ARID1B: variants seen among roughly 807,000 people sequenced by gnomAD.
The protein encoded by ARID1B is AT-rich interaction domain 1B, also known as AT-rich interactive domain-containing protein 1B.
In ARID1B, 30 loss-of-function variants were observed where a neutral mutation model predicts 212.3. That is an observed-to-expected ratio of 0.14 (90% CI 0.11 to 0.19). The LOEUF (loss-of-function observed/expected upper bound fraction) is 0.19. Ranked by LOEUF, ARID1B falls within the 10% of genes least tolerant of loss-of-function variation. ARID1B has a pLI of 1.00. For synonymous variants in ARID1B, 1,402 were observed against 1,301.7 expected (o/e 1.08, Z -1.66); for missense variants, 2,891 against 3,204.0 (o/e 0.90, Z 2.36).
chr6:157,038,821 A>G (rs746222165), intron 4 of ARID1B, among the ~76,000 whole-genome samples: 3 of 152,170 alleles, frequency 2.0e-5, no homozygotes, highest in Non-Finnish European at 4.4e-5. Flanking sequence ...AGATTAGTGT[A>G]GCCAGCAGCT....
chr6:156,893,085 C>A (rs1788089306), intron 2 of ARID1B, among the ~76,000 whole-genome samples: 1 of 121,328 alleles, frequency 8.2e-6, no homozygotes, highest in Non-Finnish European at 1.6e-5. Flanking sequence ...CCCTGTCACC[C>A]AGGCTGGAGT....
At chr6:156,908,854 T>C (rs1789622614) in intron 3 of ARID1B, among the ~76,000 whole-genome samples, 1 of 152,154 alleles carries the variant, frequency 6.6e-6, no homozygotes, top group African/African-American at 2.4e-5. Context: ...GTACCAGTTA[T>C]CTTGAACAAT....
intron 4 of ARID1B, among the ~76,000 whole-genome samples, chr6:156,972,183 C>G (rs1178238827): frequency 1.3e-5 from 2 of 152,294 alleles, no homozygotes; most frequent in East Asian, 1.9e-4. Flanking sequence ...ATGAAAATTA[C>G]AAGACATAAT....
At position 157,207,924 on chromosome 6, in the gene ARID1B, G is replaced by A; in HGVS notation, c.*33G>A. On this transcript the variant is annotated 3_prime_UTR_variant, in exon 20 of 20. Coordinates refer to ENST00000636930, the MANE Select transcript of ARID1B (RefSeq NM_001374828.1). This position sits in a 1 kb window ranked among gnomAD's most constrained non-coding sequence, Gnocchi z 8.5. ...GAGAAGGCAAGCATGTGTGAGTGAA[G>A]ATTAGAGGGTCACATATAACTGGCT... The A allele has an allele frequency of 6.9e-7, 1 of 1,455,790 alleles. No individual in the cohort carries two copies. The highest frequency in any genetic ancestry group is 1.7e-5 in the South Asian group (1 of 58,170). The allele number at this position is 1,455,790 out of a possible 1,614,324, so 90.2% of individuals were successfully genotyped here. A position where few individuals can be genotyped will look rare whatever the true frequency, so the allele number is the denominator to read the frequency against.
At chr6:157,053,928 A>G (rs2128385881) in intron 4 of ARID1B, among the ~76,000 whole-genome samples, 1 of 151,614 alleles carries the variant, frequency 6.6e-6, no homozygotes, top group African/African-American at 2.4e-5. Context: ...CAAAAAAATA[A>G]AAATAAAAAC....
At chr6:157,136,826 T>C (rs1788946510) in intron 7 of ARID1B, among the ~76,000 whole-genome samples, 2 of 151,720 alleles carry the variant, frequency 1.3e-5, no homozygotes, top group Admixed American at 1.3e-4. Context: ...CATGCCACTG[T>C]ACTCCAGCCT....
At position 157,094,045 on chromosome 6, in the gene ARID1B, C is replaced by T. The variant is rs1430564178; in HGVS notation, c.2491+9140C>T. On this transcript the variant is annotated intron_variant, in intron 5 of 19. Transcript: ENST00000636930. The surrounding 1 kb of genome is among the most constrained non-coding windows in gnomAD (Gnocchi z 4.3). ...TTGTCAGGTAGTCAAGGAAAAAAAT[C>T]AGGTTACTTCTTTAGATAGCAGTGG... 6.6e-6 allele frequency among the ~76,000 whole-genome samples: 1 copy of T among 152,120 alleles called. No homozygotes were observed. The highest frequency in any genetic ancestry group is 1.9e-4 in the East Asian group (1 of 5,192).
chr6:156,956,092 C>T lies in ARID1B; in HGVS notation c.2247+20516C>T, dbSNP rs551810246. Reference sequence around the variant, plus strand: ...GGATGTAAACCTTGGGGAAGACATGCACCAGTGGCCTGGTACTGGGGACAA... The same window carrying T: ...GGATGTAAACCTTGGGGAAGACATGTACCAGTGGCCTGGTACTGGGGACAA... On this transcript the variant is annotated intron_variant, in intron 4 of 19. Coordinates refer to ENST00000636930, the MANE Select transcript of ARID1B (RefSeq NM_001374828.1). Among the ~76,000 whole-genome samples, 10 of 152,296 alleles carry T rather than the reference C, an allele frequency of 6.6e-5. No homozygotes were observed. In the South Asian group the frequency reaches 1.7e-3, roughly 25 times the overall value.
At chr6:156,892,344 G>A (rs1202234127) in intron 2 of ARID1B, among the ~76,000 whole-genome samples, 2 of 151,982 alleles carry the variant, frequency 1.3e-5, no homozygotes, top group Admixed American at 1.3e-4. Context: ...TTTGGATTAT[G>A]TAAAATGAAA....
chr6:156,831,633 T>A (rs773208196), intron 2 of ARID1B, among the ~76,000 whole-genome samples: 2 of 152,248 alleles, frequency 1.3e-5, no homozygotes, highest in Non-Finnish European at 2.9e-5. Flanking sequence ...CATACACAGA[T>A]ATATAGAGTA....
chr6:157,183,552 G>A (rs1792720771), intron 12 of ARID1B, among the ~76,000 whole-genome samples: 1 of 152,154 alleles, frequency 6.6e-6, no homozygotes, highest in Admixed American at 6.5e-5. Flanking sequence ...TTAAAATAAT[G>A]CCTCGGATCT....
rs1307907368 is a variant in ARID1B, at chr6:156,779,250, A to G, written c.1570A>G (p.Ser524Gly). The G allele has an allele frequency of 8.6e-7, 1 of 1,159,606 alleles. No individual in the cohort carries two copies. 71.8% of individuals were successfully genotyped at this position (1,159,606 alleles called of 1,614,324 possible). A position where few individuals can be genotyped will look rare whatever the true frequency, so the allele number is the denominator to read the frequency against. Residue 524 changes from serine to glycine, a missense_variant, in exon 1 of 20, where the codon AGC becomes GGC. Physicochemically the swap from Ser to Gly is moderately conservative, Grantham distance 56 (BLOSUM62 0). Coordinates refer to ENST00000636930, the MANE Select transcript of ARID1B (RefSeq NM_001374828.1). The part of the protein sequence containing the change: ...RSYGGSYPEY[S>G]SPSAPPPPPS... Reference sequence around the variant, plus strand: ...CTACGGCGGCAGCTACCCCGAGTACAGCAGCCCCAGCGCGCCGCCGCCGCC... The same window carrying G: ...CTACGGCGGCAGCTACCCCGAGTACGGCAGCCCCAGCGCGCCGCCGCCGCC...
chr6:157,119,599 G>C (rs1207305606), intron 6 of ARID1B: 3 of 152,596 alleles, frequency 2.0e-5, no homozygotes, highest in African/African-American at 7.2e-5. Flanking sequence ...TGATTCTTAA[G>C]GTCCTCAGCC....
In ARID1B at chr6:157,149,000, C is replaced by G. The variant is rs766787725; in HGVS notation, c.3089+49C>G. 1 of 1,531,498 alleles carries G rather than the reference C, an allele frequency of 6.5e-7. No individual in the cohort carries two copies. The highest frequency in any genetic ancestry group is 1.4e-5 in the African/African-American group (1 of 73,840). The allele number at this position is 1,531,498 out of a possible 1,614,324, so 94.9% of individuals were successfully genotyped here. Reference sequence around the variant, plus strand: ...CGGGCAGGTACGCTGTGTGTCTACCCGTGACCACGTGACTGCGCACATAGC... The same window carrying G: ...CGGGCAGGTACGCTGTGTGTCTACCGGTGACCACGTGACTGCGCACATAGC... On this transcript the variant is annotated intron_variant, in intron 8 of 19. Transcript: ENST00000636930. The surrounding 1 kb of genome is among the most constrained non-coding windows in gnomAD (Gnocchi z 5.6).
At chr6:157,174,718 T>TTATATA (rs1214659659) in intron 10 of ARID1B, 129 bp from the exon 11 acceptor site, 20 of 249,968 alleles carry the variant, frequency 8.0e-5, no homozygotes, top group Admixed American at 3.0e-4. Context: ...GTACATGTCT[T>TTATATA]TATATATATA....
intron 2 of ARID1B, among the ~76,000 whole-genome samples, chr6:156,893,299 T>C (rs1788109182): frequency 6.6e-6 from 1 of 152,182 alleles, no homozygotes; most frequent in Non-Finnish European, 1.5e-5. Context: ...GTGCTGGGAT[T>C]ACAGGTGTGA....
chr6:157,185,808 A>C (rs1195003631), intron 13 of ARID1B: 1 of 152,262 alleles, frequency 6.6e-6, no homozygotes, highest in East Asian at 1.9e-4. Context: ...AATACGTTTT[A>C]GGCCCAAAGT....
At position 157,148,094 on chromosome 6, in the gene ARID1B, T is replaced by A. The variant is rs1003101638; in HGVS notation, c.2762-530T>A. On this transcript the variant is annotated intron_variant, in intron 7 of 19. Coordinates refer to ENST00000636930, the MANE Select transcript of ARID1B (RefSeq NM_001374828.1). This position sits in a 1 kb window ranked among gnomAD's most constrained non-coding sequence, Gnocchi z 5.6. ...TATTATTCCCAACTTAGAGGAAAAC[T>A]GGGGCTCATGTCAGGTTCCCGCGTG... is the stretch of plus-strand genomic sequence containing the variant. Among the ~76,000 whole-genome samples the A allele has an allele frequency of 6.6e-6, 1 of 151,846 alleles. No homozygotes were observed. The highest frequency in any genetic ancestry group is 1.5e-5 in the Non-Finnish European group (1 of 67,980).
chr6:156,897,218 GCTTCTTCTTCTTCTTCTTCTT>G (rs796265973), intron 2 of ARID1B, among the ~76,000 whole-genome samples: 1 of 91,378 alleles, frequency 1.1e-5, no homozygotes, highest in African/African-American at 4.0e-5. Context: ...TGCTGCTGCT[GCTTCTTCTTCTTCTTCTTCTT>G]CTTCTTCTTC....
Sources: allele counts gnomAD v4.1 joint callset (sites outside exome capture counted in the v4.1 genomes callset), GRCh38; gene constraint gnomAD v4.1.1; non-coding constraint Gnocchi (gnomAD v3.1); transcripts MANE v1.5; gene names NCBI Gene and HGNC (gene_info 2026-07-23, HGNC 2026-07-21).